The following KCNMA1 variants were observed in gnomAD, a reference collection of about 807,000 sequenced individuals.
KCNMA1 encodes Calcium-activated potassium channel subunit alpha-1.
A neutral mutation model predicts 140.0 loss-of-function variants in KCNMA1; 29 were observed. That is an observed-to-expected ratio of 0.21 (90% CI 0.15 to 0.28). The LOEUF (loss-of-function observed/expected upper bound fraction) is 0.28. Among genes scored for constraint, KCNMA1 ranks in the 10% least tolerant of loss-of-function variants. The probability of loss-of-function intolerance (pLI) is 1.00; values close to 1 mark genes in which losing one functional copy is unlikely to be tolerated. For missense variants in KCNMA1, 880 were observed against 1,602.2 expected, an observed-to-expected ratio of 0.55 and a Z score of 7.70; for synonymous variants, 612 against 611.9, an observed-to-expected ratio of 1.00 and a Z score of 0.00.
intron 14 of KCNMA1, among the ~76,000 whole-genome samples, chr10:77,060,122 A>T (rs1433378789): frequency 6.6e-6 from 1 of 152,224 alleles, no homozygotes; most frequent in African/African-American, 2.4e-5. Context: ...CATAGTAAAG[A>T]TGTCAGTGCT....
At chr10:76,919,177 G>A (rs1365821811) in intron 23 of KCNMA1, among the ~76,000 whole-genome samples, 3 of 152,112 alleles carry the variant, frequency 2.0e-5, no homozygotes, top group Non-Finnish European at 4.4e-5. Flanking sequence ...GGAGGGAGAC[G>A]AGGGATAAAA....
At chr10:77,496,280 T>G (rs938691769) in intron 1 of KCNMA1, among the ~76,000 whole-genome samples, 1 of 151,946 alleles carries the variant, frequency 6.6e-6, no homozygotes, top group African/African-American at 2.4e-5. Context: ...CAAGGAATGC[T>G]CTAGAAGGAG....
chr10:77,175,965 A>G (rs2098748476), intron 5 of KCNMA1, among the ~76,000 whole-genome samples: 1 of 152,204 alleles, frequency 6.6e-6, no homozygotes, highest in Admixed American at 6.5e-5. Flanking sequence ...AACTGAAACC[A>G]GGCCACAGCT....
intron 1 of KCNMA1, among the ~76,000 whole-genome samples, chr10:77,495,749 G>C (rs1487700868): frequency 6.6e-6 from 1 of 152,142 alleles, no homozygotes. Flanking sequence ...CTGTGCTCTG[G>C]TCCCAGCCCA....
At chr10:77,609,407 G>C (rs1397363916) in intron 1 of KCNMA1, among the ~76,000 whole-genome samples, 2 of 152,214 alleles carry the variant, frequency 1.3e-5, no homozygotes, top group African/African-American at 4.8e-5. Flanking sequence ...GAGCTCATAG[G>C]AGCAGAAAGC....
chr10:76,953,934 A>T lies in KCNMA1; in HGVS notation c.2361-10T>A. 1 of 1,614,034 alleles carries T rather than the reference A, an allele frequency of 6.2e-7. No individual in the cohort carries two copies. Among genetic ancestry groups the T allele is most frequent in the Non-Finnish European group, 8.5e-7 (1 of 1,179,930 alleles). On this transcript the variant is annotated splice_polypyrimidine_tract_variant and intron_variant, in intron 20 of 27. Coordinates refer to ENST00000286628, the MANE Select transcript of KCNMA1 (RefSeq NM_001161352.2). Reference sequence around the variant, plus strand: ...TAACAAGGGGTCATGCCTGGGAAGAAAAGGACAGGAAAACCTAAGTGGAAA... The same window carrying T: ...TAACAAGGGGTCATGCCTGGGAAGATAAGGACAGGAAAACCTAAGTGGAAA...
At chr10:76,994,008 C>T (rs2083510754) in intron 19 of KCNMA1, among the ~76,000 whole-genome samples, 1 of 152,202 alleles carries the variant, frequency 6.6e-6, no homozygotes, top group Admixed American at 6.5e-5. Flanking sequence ...ACTTATCCAT[C>T]ATATTCAACT....
intron 5 of KCNMA1, among the ~76,000 whole-genome samples, chr10:77,121,339 T>C (rs1381377145): frequency 6.6e-6 from 1 of 152,238 alleles, no homozygotes; most frequent in Non-Finnish European, 1.5e-5. Context: ...GATCTCTGAT[T>C]GAAAGCACTG....
At chr10:76,971,453 C>G (rs1330863955) in intron 19 of KCNMA1, among the ~76,000 whole-genome samples, 1 of 152,130 alleles carries the variant, frequency 6.6e-6, no homozygotes, top group African/African-American at 2.4e-5. Context: ...AATCCAACTA[C>G]CCTCCAAACC....
At chr10:77,190,592 C>A (rs1301081390) in intron 3 of KCNMA1, among the ~76,000 whole-genome samples, 1 of 152,096 alleles carries the variant, frequency 6.6e-6, no homozygotes, top group African/African-American at 2.4e-5. Flanking sequence ...ATTCATAAAT[C>A]CTTCATAGAG....
At chr10:77,038,527 C>T (rs2094470444) in intron 15 of KCNMA1, among the ~76,000 whole-genome samples, 1 of 152,150 alleles carries the variant, frequency 6.6e-6, no homozygotes, top group Non-Finnish European at 1.5e-5. Context: ...TCATCTTAAA[C>T]TCAACATCTG....
At chr10:77,552,141 G>A (rs919938305) in intron 1 of KCNMA1, among the ~76,000 whole-genome samples, 1 of 152,216 alleles carries the variant, frequency 6.6e-6, no homozygotes, top group African/African-American at 2.4e-5. Context: ...AAGAGATGGA[G>A]AAAACTCTTC....
chr10:77,597,798 G>T (rs2081362845), intron 1 of KCNMA1, among the ~76,000 whole-genome samples: 1 of 152,114 alleles, frequency 6.6e-6, no homozygotes, highest in Non-Finnish European at 1.5e-5. Flanking sequence ...AAAGCCATAT[G>T]GCTTTCTCCC....
chr10:77,004,779 C>T (rs1235744787), intron 18 of KCNMA1, among the ~76,000 whole-genome samples: 2 of 152,180 alleles, frequency 1.3e-5, no homozygotes, highest in African/African-American at 4.8e-5. Context: ...AATTTTGTTA[C>T]AGTGAATCAT....
chr10:77,149,665 ATCCGTC>A (rs1366158718), intron 5 of KCNMA1, among the ~76,000 whole-genome samples: 1 of 152,178 alleles, frequency 6.6e-6, no homozygotes, highest in African/African-American at 2.4e-5. Flanking sequence ...TAGTGAAATA[ATCCGTC>A]TCCAATCTCA....
intron 5 of KCNMA1, among the ~76,000 whole-genome samples, chr10:77,143,285 T>G (rs2098221494): frequency 6.6e-6 from 1 of 152,176 alleles, no homozygotes; most frequent in South Asian, 2.1e-4. Context: ...GAAAATTAAT[T>G]AATGTAATTC....
intron 1 of KCNMA1, among the ~76,000 whole-genome samples, chr10:77,416,638 C>T (rs986159348): frequency 1.3e-5 from 2 of 152,126 alleles, no homozygotes; most frequent in South Asian, 2.1e-4. Context: ...GTGCCCCACA[C>T]GGAAGGGAAC....
At chr10:77,591,088 G>C (rs2079004322) in intron 1 of KCNMA1, among the ~76,000 whole-genome samples, 1 of 152,152 alleles carries the variant, frequency 6.6e-6, no homozygotes, top group South Asian at 2.1e-4. Context: ...AGGCTGTGCA[G>C]CGCAGGCCAC....
chr10:77,380,466 T>C (rs1180799363), intron 2 of KCNMA1, among the ~76,000 whole-genome samples: 1 of 152,202 alleles, frequency 6.6e-6, no homozygotes, highest in Non-Finnish European at 1.5e-5. Context: ...AAGGAATCCT[T>C]TCATCTACAG....
Sources: allele counts gnomAD v4.1 joint callset (sites outside exome capture counted in the v4.1 genomes callset), GRCh38; gene constraint gnomAD v4.1.1; transcripts MANE v1.5; gene names NCBI Gene and HGNC (gene_info 2026-07-23, HGNC 2026-07-21).